BMERB1: variants seen among roughly 807,000 people sequenced by gnomAD.
BMERB1 encodes the protein bMERB domain containing 1, also known as bMERB domain-containing protein 1.
In BMERB1, 12 loss-of-function variants were observed where a neutral mutation model predicts 23.6. The ratio of observed to expected loss-of-function variants is 0.51; its 90% CI spans 0.33 to 0.82. The LOEUF is 0.82. Ranked by LOEUF, BMERB1 falls within the 40% of genes least tolerant of loss-of-function variation. BMERB1 has a pLI of 0.03. For synonymous variants in BMERB1, 122 were observed against 96.6 expected, an observed-to-expected ratio of 1.26 and a Z score of -1.54; for missense variants, 247 against 255.4, an observed-to-expected ratio of 0.97 and a Z score of 0.22.
At chr16:15,449,004 G>A (rs2051016310) in intron 1 of BMERB1, among the ~76,000 whole-genome samples, 1 of 152,132 alleles carries the variant, frequency 6.6e-6, no homozygotes, top group Non-Finnish European at 1.5e-5. Flanking sequence ...TTGATTCTTA[G>A]ATGCCAGCAT....
chr16:15,487,283 A>G (rs1177753929), intron 1 of BMERB1, among the ~76,000 whole-genome samples: 2 of 152,224 alleles, frequency 1.3e-5, no homozygotes, highest in Non-Finnish European at 2.9e-5. Context: ...CCTAGCAGGA[A>G]AAACCAATTG....
rs979716267 is a variant in BMERB1 at position 15,559,034 on chromosome 16, G to A, written c.231-8949G>A. Among the ~76,000 whole-genome samples the A allele has an allele frequency of 4.0e-5, 6 of 150,836 alleles. No individual in the cohort carries two copies. In the South Asian group the frequency reaches 6.5e-4, roughly 16 times the overall value. On this transcript the variant is annotated intron_variant, in intron 2 of 5. Coordinates refer to ENST00000300006, the MANE Select transcript of BMERB1 (RefSeq NM_033201.3). Reference sequence around the variant, plus strand: ...TCTAGCTGATCTTAAAACTTATATAGCTAAAAGTCAAGCAGCCAAATGATA... The same window carrying A: ...TCTAGCTGATCTTAAAACTTATATAACTAAAAGTCAAGCAGCCAAATGATA...
At chr16:15,532,672 A>G (rs2051981129) in intron 2 of BMERB1, among the ~76,000 whole-genome samples, 1 of 150,720 alleles carries the variant, frequency 6.6e-6, no homozygotes, top group African/African-American at 2.4e-5. Context: ...CAGCCTCCCA[A>G]GTAGCTGGGA....
chr16:15,519,370 A>C (rs1026319520), intron 2 of BMERB1, among the ~76,000 whole-genome samples: 7 of 151,984 alleles, frequency 4.6e-5, no homozygotes, highest in Middle Eastern at 3.2e-3. Context: ...CTCACTTCCA[A>C]TGCTTCTCGC....
At chr16:15,568,382 AATCCCAGCACTT>A (rs1313839395) in intron 3 of BMERB1, among the ~76,000 whole-genome samples, 3 of 152,230 alleles carry the variant, frequency 2.0e-5, no homozygotes, top group Non-Finnish European at 2.9e-5. Flanking sequence ...TAATGCCTGT[AATCCCAGCACTT>A]TAGGAGGCTG....
chr16:15,579,961 A>G (rs2030965764), intron 3 of BMERB1, among the ~76,000 whole-genome samples: 3 of 152,198 alleles, frequency 2.0e-5, no homozygotes, highest in African/African-American at 7.2e-5. Context: ...CAGGATGTGC[A>G]GGTTTATTAC....
chr16:15,546,182 G>T (rs924160291), intron 2 of BMERB1, among the ~76,000 whole-genome samples: 11 of 152,162 alleles, frequency 7.2e-5, no homozygotes, highest in African/African-American at 2.7e-4. Flanking sequence ...CAGCCACTCA[G>T]GAGGCTGAGG....
In BMERB1 at chr16:15,488,176, AG is replaced by A. The variant is rs1261683967; in HGVS notation, c.107-27128del. On this transcript the variant is annotated intron_variant, in intron 1 of 5. Transcript: ENST00000300006. The stretch of plus-strand genomic sequence containing the variant: ...CTCAGCCCTGCTGTAACACAAAAGC[AG>A]TCATCAACAGTACCTAAACAAATGG... 7.5e-4 allele frequency among the ~76,000 whole-genome samples: 115 copies of A among 152,340 alleles called. No homozygotes were observed. In the East Asian group the frequency reaches 0.017, roughly 22 times the overall value.
chr16:15,486,939 A>G (rs2051374010), intron 1 of BMERB1, among the ~76,000 whole-genome samples: 1 of 152,206 alleles, frequency 6.6e-6, no homozygotes, highest in Admixed American at 6.5e-5. Flanking sequence ...TGTTAATGTA[A>G]GTAAAATGCT....
chr16:15,544,044 G>C (rs970598574), intron 2 of BMERB1, among the ~76,000 whole-genome samples: 1 of 152,136 alleles, frequency 6.6e-6, no homozygotes, highest in South Asian at 2.1e-4. Flanking sequence ...TTTGATTAGA[G>C]CACTGACATA....
At chr16:15,507,543 G>T (rs1210177575) in intron 1 of BMERB1, among the ~76,000 whole-genome samples, 1 of 152,164 alleles carries the variant, frequency 6.6e-6, no homozygotes, top group African/African-American at 2.4e-5. Flanking sequence ...CAGCAAGCAA[G>T]CTCTTGCTTG....
At chr16:15,459,291 T>A (rs1269476305) in intron 1 of BMERB1, among the ~76,000 whole-genome samples, 1 of 150,188 alleles carries the variant, frequency 6.7e-6, no homozygotes, top group East Asian at 2.0e-4. Context: ...ATTACATAAA[T>A]GCAAATGGAT....
chr16:15,436,673 T>C (rs2150919063), intron 1 of BMERB1, among the ~76,000 whole-genome samples: 1 of 152,214 alleles, frequency 6.6e-6, no homozygotes, highest in Non-Finnish European at 1.5e-5. Flanking sequence ...CCATTAACCA[T>C]CTCTGTGTCC....
chr16:15,473,648 C>G lies in BMERB1; in HGVS notation c.106+38889C>G, dbSNP rs148952009. 3.5e-3 allele frequency among the ~76,000 whole-genome samples: 537 copies of G among 152,218 alleles called. 5 individuals carry two copies. The highest frequency in any genetic ancestry group is 0.012 in the African/African-American group (509 of 41,552). ...TAACAACAAATTCTCTTAGTGTTTT[C>G]TCGCCTGAGAATGTCTTTGTTTCCT... On this transcript the variant is annotated intron_variant, in intron 1 of 5. Coordinates refer to ENST00000300006, the MANE Select transcript of BMERB1 (RefSeq NM_033201.3).
chr16:15,506,230 C>G (rs2051589763), intron 1 of BMERB1, among the ~76,000 whole-genome samples: 1 of 151,670 alleles, frequency 6.6e-6, no homozygotes, highest in South Asian at 2.1e-4. Context: ...GGCTGGAGTG[C>G]CGCGGTGCGA....
intron 1 of BMERB1, among the ~76,000 whole-genome samples, chr16:15,473,991 G>A (rs1320317307): frequency 1.3e-5 from 2 of 151,880 alleles, no homozygotes; most frequent in African/African-American, 4.8e-5. Flanking sequence ...GTGGTGGCAG[G>A]TGCCTATAGT....
intron 1 of BMERB1, among the ~76,000 whole-genome samples, chr16:15,445,986 CAAGA>C (rs1885248335): frequency 6.6e-6 from 1 of 151,922 alleles, no homozygotes. Context: ...AAGAAGCAAG[CAAGA>C]AAGAAAAGAG....
chr16:15,585,398 A>G (rs1408533038), intron 5 of BMERB1, among the ~76,000 whole-genome samples: 1 of 152,194 alleles, frequency 6.6e-6, no homozygotes, highest in African/African-American at 2.4e-5. Flanking sequence ...AATAAAAACT[A>G]TTGTAAAACC....
intron 2 of BMERB1, among the ~76,000 whole-genome samples, chr16:15,544,843 G>A (rs1013251373): frequency 6.6e-6 from 1 of 152,138 alleles, no homozygotes; most frequent in Non-Finnish European, 1.5e-5. Flanking sequence ...CCCTTTAAAG[G>A]AAAGAATTAG....
Sources: allele counts gnomAD v4.1 joint callset (sites outside exome capture counted in the v4.1 genomes callset), GRCh38; gene constraint gnomAD v4.1.1; transcripts MANE v1.5; gene names NCBI Gene and HGNC (gene_info 2026-07-23, HGNC 2026-07-21).